NCAM2: variants seen among roughly 807,000 people sequenced by gnomAD.
NCAM2 encodes the protein N-CAM-2.
NCAM2 carries 30 observed loss-of-function variants against 98.1 expected under a neutral mutation model. The observed-to-expected ratio is 0.31, with a 90% CI of 0.23 to 0.41. The LOEUF (loss-of-function observed/expected upper bound fraction) is 0.41, where lower values mean the gene tolerates loss of function less well. Among genes scored for constraint, NCAM2 ranks in the 10% least tolerant of loss-of-function variants. The pLI is 1.00. For missense variants in NCAM2, 867 were observed against 1,005.8 expected (o/e 0.86, Z 1.87); for synonymous variants, 368 against 342.4 (o/e 1.07, Z -0.83).
chr21:21,381,386 G>GTTT (rs71195325), intron 9 of NCAM2, among the ~76,000 whole-genome samples: 30 of 151,452 alleles, frequency 2.0e-4, no homozygotes, highest in African/African-American at 7.3e-4. Flanking sequence ...TTTATATTCT[G>GTTT]TTTTTTTTCC....
chr21:21,147,225 G>C (rs1325878751), intron 1 of NCAM2: 1 of 985,260 alleles, frequency 1.0e-6, no homozygotes, highest in East Asian at 1.1e-4. Context: ...GCAGTTCTTA[G>C]TCCGTACCCG....
At position 21,539,049 on chromosome 21, in the gene NCAM2, A is replaced by G. The variant is rs1990125479; in HGVS notation, c.*1092A>G. ...GCCATAAAAGAGTAAATGATAAATA[A>G]TTAAATGCCACTATGTGTTCTATTC... On this transcript the variant is annotated 3_prime_UTR_variant, in exon 18 of 18. Transcript: ENST00000400546. The G allele has an allele frequency of 6.6e-6, 1 of 152,212 alleles. No homozygotes were observed. Among genetic ancestry groups the G allele is most frequent in the South Asian group, 2.1e-4 (1 of 4,834 alleles). 9.4% of individuals were successfully genotyped at this position (152,212 alleles called of 1,614,324 possible). A position where few individuals can be genotyped will look rare whatever the true frequency, so the allele number is the denominator to read the frequency against.
intron 1 of NCAM2, among the ~76,000 whole-genome samples, chr21:20,999,087 T>C (rs1027740393): frequency 1.3e-5 from 2 of 152,118 alleles, no homozygotes; most frequent in African/African-American, 4.8e-5. Context: ...GACTCTTTTT[T>C]TTTTCCACCC....
intron 5 of NCAM2, among the ~76,000 whole-genome samples, chr21:21,308,859 T>C (rs961134637): frequency 1.1e-4 from 17 of 152,138 alleles, no homozygotes; most frequent in African/African-American, 4.1e-4. Flanking sequence ...TTCCTTTTTG[T>C]ATTAATTTTT....
chr21:21,045,915 G>T (rs1195483745), intron 1 of NCAM2, among the ~76,000 whole-genome samples: 1 of 152,130 alleles, frequency 6.6e-6, no homozygotes, highest in Non-Finnish European at 1.5e-5. Flanking sequence ...GAGCAAATTT[G>T]TATCAGATAT....
chr21:21,325,749 T>C (rs181413132), intron 6 of NCAM2, among the ~76,000 whole-genome samples: 2 of 152,290 alleles, frequency 1.3e-5, no homozygotes, highest in South Asian at 2.1e-4. Flanking sequence ...TCCACAGAGA[T>C]TTCTTTTTTC....
intron 1 of NCAM2, among the ~76,000 whole-genome samples, chr21:21,254,023 A>C (rs2071569579): frequency 6.6e-6 from 1 of 152,226 alleles, no homozygotes. Context: ...AAAAAGGAGA[A>C]TATAACAATT....
At chr21:21,022,320 C>A (rs1257158650) in intron 1 of NCAM2, among the ~76,000 whole-genome samples, 1 of 152,034 alleles carries the variant, frequency 6.6e-6, no homozygotes, top group Non-Finnish European at 1.5e-5. Flanking sequence ...CTTTCCTTCT[C>A]AATACTTTAC....
intron 1 of NCAM2, among the ~76,000 whole-genome samples, chr21:21,103,266 G>GA (rs564328567): frequency 1.5e-3 from 221 of 151,958 alleles, no homozygotes; most frequent in African/African-American, 3.8e-3. Flanking sequence ...TTAGTGAGCA[G>GA]AAAAAAATCA....
intron 15 of NCAM2, among the ~76,000 whole-genome samples, chr21:21,495,283 A>G (rs1987143532): frequency 6.6e-6 from 1 of 152,010 alleles, no homozygotes; most frequent in African/African-American, 2.4e-5. Context: ...TTTTAATTCA[A>G]CAACTAATCA....
chr21:21,198,518 AC>A (rs2069094530), intron 1 of NCAM2, among the ~76,000 whole-genome samples: 1 of 152,184 alleles, frequency 6.6e-6, no homozygotes, highest in African/African-American at 2.4e-5. Flanking sequence ...TTGAATGGAA[AC>A]CTGCTAGTTC....
intron 1 of NCAM2, among the ~76,000 whole-genome samples, chr21:21,040,612 A>AT (rs2064885303): frequency 6.6e-6 from 1 of 152,122 alleles, no homozygotes; most frequent in Non-Finnish European, 1.5e-5. Context: ...TAAAAAAAAA[A>AT]GAAATCTTGT....
rs1276546422 is a variant in NCAM2, at chr21:21,430,193, T to TA, written c.1481-1915_1481-1914insA. 3.4e-3 allele frequency among the ~76,000 whole-genome samples: 514 copies of TA among 151,606 alleles called. 2 individuals carry two copies. The highest frequency in any genetic ancestry group is 5.7e-3 in the Non-Finnish European group (390 of 67,864). On this transcript the variant is annotated intron_variant, in intron 11 of 17. Coordinates refer to ENST00000400546, the MANE Select transcript of NCAM2 (RefSeq NM_004540.5). Reference sequence around the variant, plus strand: ...ACAGGCACACTCCACTACACCCGGCTGTTTTTTTTATTTTTGTGGAAACAG... The same window carrying TA: ...ACAGGCACACTCCACTACACCCGGCTAGTTTTTTTTATTTTTGTGGAAACAG...
At chr21:21,038,963 A>AATATCACCCT (rs1003049118) in intron 1 of NCAM2, among the ~76,000 whole-genome samples, 3 of 152,192 alleles carry the variant, frequency 2.0e-5, no homozygotes, top group Admixed American at 6.5e-5. Flanking sequence ...CCTTTCCAAC[A>AATATCACCCT]ATATCACTAA....
At chr21:21,059,945 A>G (rs1184987111) in intron 1 of NCAM2, among the ~76,000 whole-genome samples, 3 of 152,100 alleles carry the variant, frequency 2.0e-5, no homozygotes, top group Non-Finnish European at 4.4e-5. Flanking sequence ...TGGAGCAATT[A>G]TTTGATAATA....
intron 1 of NCAM2, among the ~76,000 whole-genome samples, chr21:21,072,058 A>G (rs9981209): frequency 0.023 from 3,349 of 147,924 alleles, 18 homozygotes; most frequent in African/African-American, 0.08. Flanking sequence ...GACTACAGGC[A>G]CCCGCCACCA....
chr21:21,192,735 C>T (rs553897648), intron 1 of NCAM2, among the ~76,000 whole-genome samples: 5 of 152,142 alleles, frequency 3.3e-5, no homozygotes, highest in South Asian at 4.2e-4. Flanking sequence ...ACAAAACAAC[C>T]GTGAGTGAAT....
At chr21:21,065,159 G>GAC (rs2065408144) in intron 1 of NCAM2, among the ~76,000 whole-genome samples, 1 of 151,664 alleles carries the variant, frequency 6.6e-6, no homozygotes, top group South Asian at 2.1e-4. Context: ...CAGCCTGTGC[G>GAC]ACAGAGTAAG....
chr21:21,012,017 GT>G (rs2064221515), intron 1 of NCAM2, among the ~76,000 whole-genome samples: 1 of 152,066 alleles, frequency 6.6e-6, no homozygotes, highest in Non-Finnish European at 1.5e-5. Flanking sequence ...TTCGTGCATT[GT>G]TTTGGGGAAT....
Sources: allele counts gnomAD v4.1 joint callset (sites outside exome capture counted in the v4.1 genomes callset), GRCh38; gene constraint gnomAD v4.1.1; transcripts MANE v1.5; gene names NCBI Gene and HGNC (gene_info 2026-07-23, HGNC 2026-07-21).